The following KCND2 variants were observed in gnomAD, a reference collection of about 807,000 sequenced individuals.
KCND2 encodes the protein potassium voltage-gated channel subfamily D member 2, also known as A-type voltage-gated potassium channel KCND2.
In KCND2, 16 loss-of-function variants were observed where a neutral mutation model predicts 54.4. That is an observed-to-expected ratio of 0.29 (90% CI 0.20 to 0.45). The LOEUF is 0.45. Among genes scored for constraint, KCND2 ranks in the 20% least tolerant of loss-of-function variants. The pLI, the probability that KCND2 is intolerant of heterozygous loss-of-function variation, is 1.00. For synonymous variants in KCND2, 317 were observed against 310.7 expected (o/e 1.02, Z -0.21); for missense variants, 486 against 824.2 (o/e 0.59, Z 5.02).
chr7:120,349,327 AACACACAC>A (rs145626165), intron 1 of KCND2, among the ~76,000 whole-genome samples: 4 of 144,464 alleles, frequency 2.8e-5, no homozygotes, highest in Non-Finnish European at 6.1e-5. Context: ...CACACACACA[AACACACAC>A]ACACACACAC....
intron 1 of KCND2, among the ~76,000 whole-genome samples, chr7:120,412,789 T>G (rs1286251610): frequency 1.3e-5 from 2 of 152,056 alleles, no homozygotes; most frequent in Non-Finnish European, 2.9e-5. Context: ...CAGTTTTGCT[T>G]TCTGGTAGAA....
At chr7:120,690,050 G>C (rs1792250538) in intron 1 of KCND2, among the ~76,000 whole-genome samples, 2 of 152,092 alleles carry the variant, frequency 1.3e-5, no homozygotes, top group Non-Finnish European at 2.9e-5. Context: ...CCTGTACCTT[G>C]TAAATCACAG....
intron 1 of KCND2, among the ~76,000 whole-genome samples, chr7:120,479,796 CA>C (rs771337674): frequency 0.14 from 10,681 of 75,190 alleles, 568 homozygotes; most frequent in African/African-American, 0.21. Context: ...TACACACACA[CA>C]AAAAAAAAAA....
In KCND2 at chr7:120,411,747, A is replaced by C. The variant is rs1215921323; in HGVS notation, c.1115+136000A>C. 4.6e-5 allele frequency among the ~76,000 whole-genome samples: 7 copies of C among 152,120 alleles called. No homozygotes were observed. The South Asian group carries it at 1.2e-3, about 27-fold the overall frequency. ...ATTCTTGAGCATCATGTAATCTGTC[A>C]GCTATGTTACTTATTATTTTACAGA... is the stretch of plus-strand genomic sequence containing the variant. On this transcript the variant is annotated intron_variant, in intron 1 of 5. Coordinates refer to ENST00000331113, the MANE Select transcript of KCND2 (RefSeq NM_012281.3).
intron 1 of KCND2, among the ~76,000 whole-genome samples, chr7:120,543,819 A>G (rs540884307): frequency 4.6e-5 from 7 of 152,106 alleles, no homozygotes; most frequent in East Asian, 1.9e-4. Context: ...TTTTCAGCCA[A>G]TCTGTCTTCT....
intron 1 of KCND2, among the ~76,000 whole-genome samples, chr7:120,316,007 A>T (rs1799806922): frequency 1.3e-5 from 2 of 152,158 alleles, no homozygotes; most frequent in African/African-American, 4.8e-5. Context: ...ACAAAAACAA[A>T]TTCATACATA....
chr7:120,687,053 C>T (rs1472942235), intron 1 of KCND2, among the ~76,000 whole-genome samples: 1 of 152,086 alleles, frequency 6.6e-6, no homozygotes, highest in Non-Finnish European at 1.5e-5. Context: ...TCCTCTCCTA[C>T]CCTGCTCATG....
chr7:120,747,643 A>C (rs771311950), intron 5 of KCND2, 38 bp from the exon 6 acceptor site: 2 of 1,489,630 alleles, frequency 1.3e-6, no homozygotes, highest in Non-Finnish European at 1.9e-6. Flanking sequence ...CATTTTAAGT[A>C]AACAACTTAC....
At position 120,590,357 on chromosome 7, in the gene KCND2, C is replaced by T. The variant is rs567195616; in HGVS notation, c.1116-142546C>T. ...ACCTACTTCACAGTGGTTTGCATCTCCCTTTGATCAGTCATAAAAAAGATA... is the reference window on the plus strand; with the variant it reads ...ACCTACTTCACAGTGGTTTGCATCTTCCTTTGATCAGTCATAAAAAAGATA... On this transcript the variant is annotated intron_variant, in intron 1 of 5. Transcript: ENST00000331113. Among the ~76,000 whole-genome samples, 8 of 152,198 alleles carry T rather than the reference C, an allele frequency of 5.3e-5. No individual in the cohort carries two copies. The South Asian group carries it at 1.5e-3, about 28-fold the overall frequency.
intron 1 of KCND2, among the ~76,000 whole-genome samples, chr7:120,558,042 T>G (rs1792185639): frequency 6.6e-6 from 1 of 152,162 alleles, no homozygotes; most frequent in African/African-American, 2.4e-5. Context: ...TCTTAAATTT[T>G]TATTAATGTT....
chr7:120,446,727 A>G (rs1802024020), intron 1 of KCND2, among the ~76,000 whole-genome samples: 1 of 152,206 alleles, frequency 6.6e-6, no homozygotes, highest in Non-Finnish European at 1.5e-5. Flanking sequence ...AATTCAGGTT[A>G]CCCTGTACTC....
intron 1 of KCND2, among the ~76,000 whole-genome samples, chr7:120,480,374 T>G (rs73435890): frequency 0.073 from 11,073 of 152,176 alleles, 1,287 homozygotes; most frequent in African/African-American, 0.25. Context: ...CTGTATTCAA[T>G]AATCAAGAAT....
chr7:120,443,556 A>G (rs148224329), intron 1 of KCND2, among the ~76,000 whole-genome samples: 6 of 152,060 alleles, frequency 3.9e-5, no homozygotes, highest in African/African-American at 1.4e-4. Context: ...CAATCATCTT[A>G]TGAATGAATG....
At chr7:120,377,136 T>A (rs1252880349) in intron 1 of KCND2, among the ~76,000 whole-genome samples, 3 of 151,998 alleles carry the variant, frequency 2.0e-5, no homozygotes, top group South Asian at 4.1e-4. Context: ...ATAGATCACG[T>A]ATCTTGTATA....
chr7:120,387,637 T>G (rs1038967950), intron 1 of KCND2, among the ~76,000 whole-genome samples: 3 of 152,032 alleles, frequency 2.0e-5, no homozygotes, highest in Non-Finnish European at 4.4e-5. Flanking sequence ...TTTAAAATGT[T>G]CTTTTGTGAA....
Position 120,642,562 on chromosome 7 carries a change from T to TA in KCND2, c.1116-90335dup, listed in dbSNP as rs139466394. ...GATTGATAATTCGTCTCAATAAAAA[T>TA]AAAAAATAAAAAAAAATATATATAT... On this transcript the variant is annotated intron_variant, in intron 1 of 5. Transcript: ENST00000331113. 8.6e-3 allele frequency among the ~76,000 whole-genome samples: 945 copies of TA among 110,426 alleles called. 4 individuals are homozygous for TA. The highest frequency in any genetic ancestry group is 0.021 in the African/African-American group (470 of 22,220). The allele number at this position is 110,426 out of a possible 152,430, so 72.4% of individuals were successfully genotyped here.
intron 1 of KCND2, among the ~76,000 whole-genome samples, chr7:120,418,521 G>A (rs1210427378): frequency 6.6e-6 from 1 of 152,168 alleles, no homozygotes; most frequent in East Asian, 1.9e-4. Flanking sequence ...GGTTTGTTAA[G>A]ATCACCTTGG....
chr7:120,601,184 A>G (rs1792809124), intron 1 of KCND2, among the ~76,000 whole-genome samples: 1 of 152,144 alleles, frequency 6.6e-6, no homozygotes, highest in Non-Finnish European at 1.5e-5. Flanking sequence ...TTAGATATAT[A>G]AATAAGAGTT....
At chr7:120,607,477 C>T (rs1792896159) in intron 1 of KCND2, among the ~76,000 whole-genome samples, 1 of 152,070 alleles carries the variant, frequency 6.6e-6, no homozygotes, top group African/African-American at 2.4e-5. Context: ...ATCTCATAAA[C>T]CATAGTAATT....
Sources: gnomAD v4.1 joint callset for allele counts (sites outside exome capture counted in the v4.1 genomes callset) on GRCh38, gnomAD v4.1.1 for gene constraint, MANE v1.5 for transcripts, NCBI Gene and HGNC (gene_info 2026-07-23, HGNC 2026-07-21) for gene names.